Variants in CDC37L1 observed in about 807,000 individuals in gnomAD.
CDC37L1 encodes cell division cycle 37 like 1, HSP90 cochaperone.
Under a neutral mutation model 45.9 loss-of-function variants are expected in CDC37L1, and 32 were observed. That is an observed-to-expected ratio of 0.70 (90% CI 0.53 to 0.94). The LOEUF is 0.94. Ranked by LOEUF, CDC37L1 falls within the 40% of genes least tolerant of loss-of-function variation. CDC37L1 has a pLI of 0.00. For missense variants in CDC37L1, 434 were observed against 405.7 expected, an observed-to-expected ratio of 1.07 and a Z score of -0.60; for synonymous variants, 150 against 133.0, an observed-to-expected ratio of 1.13 and a Z score of -0.88.
chr9:4,698,960 T>C (rs942223347), intron 5 of CDC37L1, among the ~76,000 whole-genome samples: 1 of 152,098 alleles, frequency 6.6e-6, no homozygotes, highest in African/African-American at 2.4e-5. Flanking sequence ...TAAATAAAAA[T>C]GTTATTAATG....
At chr9:4,679,950 A>AC (rs1841172809) in intron 1 of CDC37L1, 51 bp downstream of exon 1, 1 of 1,601,062 alleles carries the variant, frequency 6.2e-7, no homozygotes, top group Non-Finnish European at 8.5e-7. Flanking sequence ...CTGTCGCCAA[A>AC]CCCCTGGAAT....
chr9:4,681,975 A>G (rs531992538), intron 1 of CDC37L1, among the ~76,000 whole-genome samples: 1 of 152,262 alleles, frequency 6.6e-6, no homozygotes, highest in South Asian at 2.1e-4. Context: ...ATCTGAATAC[A>G]TGTTGGATAG....
rs114585711 is a variant in CDC37L1 at position 4,683,607 on chromosome 9, C to T, written c.133-1270C>T. On this transcript the variant is annotated intron_variant, in intron 1 of 6. Transcript: ENST00000381854. The stretch of plus-strand genomic sequence containing the variant: ...GGAAATAACATCACGAAGGGCTTTG[C>T]CACAGAGTATGTACTTTATCCCAAA... 5.5e-3 allele frequency among the ~76,000 whole-genome samples: 834 copies of T among 152,046 alleles called. 4 individuals are homozygous for T. Among genetic ancestry groups the T allele is most frequent in the African/African-American group, 0.019 (801 of 41,446 alleles).
rs182437558 is a variant in CDC37L1 at position 4,703,428 on chromosome 9, C to G, written c.912+1400C>G. Reference sequence around the variant, plus strand: ...TTTTTAAATAATTAGTAATGTTCCCCCTTAGTTAGACATGTAAAGAATATT... The same window carrying G: ...TTTTTAAATAATTAGTAATGTTCCCGCTTAGTTAGACATGTAAAGAATATT... On this transcript the variant is annotated intron_variant, in intron 6 of 6. Coordinates refer to ENST00000381854, the MANE Select transcript of CDC37L1 (RefSeq NM_017913.4). Among the ~76,000 whole-genome samples the G allele has an allele frequency of 4.8e-3, 733 of 151,320 alleles. 5 individuals carry two copies. The highest frequency in any genetic ancestry group is 0.028 in the Middle Eastern group (8 of 288).
At position 4,688,809 on chromosome 9, in the gene CDC37L1, G is replaced by A. The variant is rs184766934; in HGVS notation, c.508+203G>A. Among the ~76,000 whole-genome samples, 270 of 151,284 alleles carry A rather than the reference G, an allele frequency of 1.8e-3. 3 individuals are homozygous for A. The highest frequency in any genetic ancestry group is 0.017 in the Admixed American group (256 of 15,186). On this transcript the variant is annotated intron_variant, in intron 3 of 6. Transcript: ENST00000381854. The stretch of plus-strand genomic sequence containing the variant: ...AATTAATTGACAGAGCAAACCAAAT[G>A]GTAAAGAGAAGCAAAAGTATTATTA...
Position 4,680,478 on chromosome 9 carries a change from G to C in CDC37L1, c.132+579G>C, listed in dbSNP as rs116449886. On this transcript the variant is annotated intron_variant, in intron 1 of 6. Coordinates refer to ENST00000381854, the MANE Select transcript of CDC37L1 (RefSeq NM_017913.4). ...CTTTGCCTTACTGTTTTGTTTTTTAGTTTTGCTTCACGTCATTCTCCAGTG... is the reference window on the plus strand; with the variant it reads ...CTTTGCCTTACTGTTTTGTTTTTTACTTTTGCTTCACGTCATTCTCCAGTG... Among the ~76,000 whole-genome samples, 638 of 152,206 alleles carry C rather than the reference G, an allele frequency of 4.2e-3. 3 individuals carry two copies. The highest frequency in any genetic ancestry group is 0.015 in the African/African-American group (620 of 41,512).
At chr9:4,690,391 C>A (rs1168844339) in intron 3 of CDC37L1, among the ~76,000 whole-genome samples, 1 of 151,840 alleles carries the variant, frequency 6.6e-6, no homozygotes, top group Non-Finnish European at 1.5e-5. Flanking sequence ...GCTGGCTGAT[C>A]TCTGCAGTGC....
chr9:4,680,347 C>G (rs995847708), intron 1 of CDC37L1, among the ~76,000 whole-genome samples: 17 of 152,210 alleles, frequency 1.1e-4, no homozygotes, highest in African/African-American at 4.1e-4. Flanking sequence ...CACACTGAGT[C>G]CTGACAAAGA....
chr9:4,680,296 T>G (rs957131803), intron 1 of CDC37L1, among the ~76,000 whole-genome samples: 1 of 152,344 alleles, frequency 6.6e-6, no homozygotes. Flanking sequence ...AGCATACTTG[T>G]GCACAGTTGC....
chr9:4,681,890 G>T (rs1477506760), intron 1 of CDC37L1, among the ~76,000 whole-genome samples: 1 of 152,038 alleles, frequency 6.6e-6, no homozygotes, highest in Admixed American at 6.6e-5. Context: ...TAATGTAAAG[G>T]CAGATCATGT....
In CDC37L1 at chr9:4,684,917, A is replaced by G. The variant is rs1182807068; in HGVS notation, c.173A>G (p.Lys58Arg). ...HGIELACQKQ[K>R]EFVKSSVACK... ...ATTGAATTGGCTTGCCAAAAGCAGA[A>G]AGAGTTTGTGAAGAGCTCTGTGGCG... The change falls in exon 2 of 7, where the codon AAA becomes AGA. Residue 58 changes from lysine (K) to arginine (R), a missense_variant. Lys to Arg is a conservative substitution (Grantham distance 26). Coordinates refer to ENST00000381854, the MANE Select transcript of CDC37L1 (RefSeq NM_017913.4). 6.2e-7 allele frequency: 1 copy of G among 1,613,756 alleles called. No individual in the cohort carries two copies. Among genetic ancestry groups the G allele is most frequent in the East Asian group, 2.2e-5 (1 of 44,862 alleles).
chr9:4,702,527 T>A (rs1476517243), intron 6 of CDC37L1, among the ~76,000 whole-genome samples: 1 of 152,190 alleles, frequency 6.6e-6, no homozygotes, highest in Non-Finnish European at 1.5e-5. Context: ...GATAATATTG[T>A]ATCTGGTAAT....
intron 1 of CDC37L1, among the ~76,000 whole-genome samples, chr9:4,681,008 T>C (rs1052282729): frequency 1.3e-5 from 2 of 152,178 alleles, no homozygotes; most frequent in African/African-American, 4.8e-5. Context: ...CTACAAGACA[T>C]TTTTTAGGAG....
At chr9:4,692,844 A>C (rs1224642644) in intron 3 of CDC37L1, among the ~76,000 whole-genome samples, 2 of 152,222 alleles carry the variant, frequency 1.3e-5, no homozygotes, top group African/African-American at 4.8e-5. Flanking sequence ...CTTGGTGGTC[A>C]ATTTGATGTG....
At chr9:4,703,515 C>T (rs374849137) in intron 6 of CDC37L1, among the ~76,000 whole-genome samples, 1 of 152,152 alleles carries the variant, frequency 6.6e-6, no homozygotes, top group Non-Finnish European at 1.5e-5. Flanking sequence ...TGATTTTTCT[C>T]TTCAGTTCCT....
At chr9:4,690,628 A>G (rs1312252846) in intron 3 of CDC37L1, among the ~76,000 whole-genome samples, 1 of 152,224 alleles carries the variant, frequency 6.6e-6, no homozygotes, top group Non-Finnish European at 1.5e-5. Context: ...GGTGATTAAT[A>G]AGCAATCATT....
intron 1 of CDC37L1, among the ~76,000 whole-genome samples, chr9:4,683,955 T>C (rs977848305): frequency 6.6e-6 from 1 of 152,236 alleles, no homozygotes; most frequent in East Asian, 1.9e-4. Flanking sequence ...TTCGGAGTAG[T>C]ACGGTCAGCA....
rs1313029477 is a variant in CDC37L1, at chr9:4,682,329, A to ATTTTTTTTTTTTTTTTTTTTTTT, written c.132+2445_132+2446insTTTTTTTTTTTTTTTTTTTTTTT. On this transcript the variant is annotated intron_variant, in intron 1 of 6. Transcript: ENST00000381854. ...AGGTGCCCACCACTGTGCCCAGCTA[A>ATTTTTTTTTTTTTTTTTTTTTTT]TTTTTTTTTTTTTTTGAGATGGAGT... is the stretch of plus-strand genomic sequence containing the variant. Among the ~76,000 whole-genome samples the ATTTTTTTTTTTTTTTTTTTTTTT allele has an allele frequency of 4.3e-4, 40 of 92,836 alleles. 7 individuals carry two copies. Among genetic ancestry groups the ATTTTTTTTTTTTTTTTTTTTTTT allele is most frequent in the African/African-American group, 2.2e-3 (36 of 16,546 alleles). The allele number at this position is 92,836 out of a possible 152,430, so 60.9% of individuals were successfully genotyped here.
At chr9:4,705,880 T>G (rs948819060) in intron 6 of CDC37L1, 131 bp from the exon 7 acceptor site, 4 of 419,724 alleles carry the variant, frequency 9.5e-6, no homozygotes, top group Admixed American at 8.2e-5. Context: ...AAAGTCCATC[T>G]TCTTTCCTAC....
Sources: allele counts gnomAD v4.1 joint callset (sites outside exome capture counted in the v4.1 genomes callset), GRCh38; gene constraint gnomAD v4.1.1; transcripts MANE v1.5; gene names NCBI Gene and HGNC (gene_info 2026-07-23, HGNC 2026-07-21).